The following TRIM58 variants were observed in gnomAD, a reference collection of about 807,000 sequenced individuals.
The protein encoded by TRIM58 is E3 ubiquitin-protein ligase TRIM58.
In TRIM58, 38 loss-of-function variants were observed where a neutral mutation model predicts 34.1. The ratio of observed to expected loss-of-function variants is 1.12; its 90% CI spans 0.86 to 1.46. The LOEUF (loss-of-function observed/expected upper bound fraction) is 1.46, where lower values mean the gene tolerates loss of function less well. Ranked by LOEUF, TRIM58 falls within the 40% of genes most tolerant of loss-of-function variation. The probability of loss-of-function intolerance (pLI) is 0.00; values close to 1 mark genes in which losing one functional copy is unlikely to be tolerated. For missense variants in TRIM58, 677 were observed against 642.0 expected (o/e 1.05, Z -0.59); for synonymous variants, 273 against 275.7 (o/e 0.99, Z 0.10).
chr1:247,876,437 CATCCAGGGATCATTTAG>C lies in TRIM58; in HGVS notation c.1414_1430del (p.Arg472CysfsTer3). 1 of 1,614,160 alleles carries C rather than the reference CATCCAGGGATCATTTAG, an allele frequency of 6.2e-7. No individual in the cohort carries two copies. Among genetic ancestry groups the C allele is most frequent in the East Asian group, 2.2e-5 (1 of 44,878 alleles). On this transcript the variant is annotated frameshift_variant, in exon 6 of 6. Transcript: ENST00000366481. LOFTEE classifies it low-confidence loss of function (END_TRUNC). ...ACAATAGCAGGGTCAGGAAATTGGG[CATCCAGGGATCATTTAG>C]ATCCTGCTTCTGATGTAAGAGATGA...
chr1:247,863,238 C>T (rs1663837667), intron 2 of TRIM58, among the ~76,000 whole-genome samples: 1 of 152,216 alleles, frequency 6.6e-6, no homozygotes, highest in East Asian at 1.9e-4. Context: ...GAAGTTATCA[C>T]GTTTAAAAAC....
Position 247,875,995 on chromosome 1 carries a change from C to T in TRIM58, c.967C>T (p.Pro323Ser). 1 of 1,614,212 alleles carries T rather than the reference C, an allele frequency of 6.2e-7. No individual in the cohort carries two copies. Among genetic ancestry groups the T allele is most frequent in the Non-Finnish European group, 8.5e-7 (1 of 1,180,036 alleles). Residue 323 changes from proline (P) to serine (S), a missense_variant, in exon 6 of 6, where the codon CCC becomes TCC. Transcript: ENST00000366481. ...GGATGGAGAACCATGGAGGGATGTCCCCAACAACCCTGAGCGATTTGACAC... is the reference window on the plus strand; with the variant it reads ...GGATGGAGAACCATGGAGGGATGTCTCCAACAACCCTGAGCGATTTGACAC... ...VQDGEPWRDVPNNPERFDTWP... is the reference protein window; with the variant it reads ...VQDGEPWRDVSNNPERFDTWP...
intron 4 of TRIM58, 39 bp downstream of exon 4, chr1:247,867,906 G>C (rs1223699610): frequency 6.2e-7 from 1 of 1,614,078 alleles, no homozygotes. Flanking sequence ...GATTGGGAGA[G>C]GCAGAGGAGC....
chr1:247,862,252 C>T (rs1483658138), intron 2 of TRIM58, among the ~76,000 whole-genome samples: 2 of 152,104 alleles, frequency 1.3e-5, no homozygotes, highest in Admixed American at 6.5e-5. Context: ...TAGTACCTAA[C>T]GTTACTCAGA....
rs528892803 is a variant in TRIM58, at chr1:247,879,853, C to A, written c.*3364C>A. On this transcript the variant is annotated 3_prime_UTR_variant, in exon 6 of 6. Transcript: ENST00000366481. ...TGATACCACACAGCCCTACTCCCCCCAGAGCCCATCTAGAGCTCACCTTTC... is the reference window on the plus strand; with the variant it reads ...TGATACCACACAGCCCTACTCCCCCAAGAGCCCATCTAGAGCTCACCTTTC... Among the ~76,000 whole-genome samples the A allele has an allele frequency of 6.6e-6, 1 of 152,072 alleles. No individual in the cohort carries two copies. Among genetic ancestry groups the A allele is most frequent in the African/African-American group, 2.4e-5 (1 of 41,492 alleles).
In TRIM58 at chr1:247,876,101, G is replaced by A. The variant is rs1349504673; in HGVS notation, c.1073G>A (p.Trp358Ter). 5 of 1,614,208 alleles carry A rather than the reference G, an allele frequency of 3.1e-6. No individual in the cohort carries two copies. In the Admixed American group the frequency reaches 6.7e-5, roughly 22 times the overall value. Residue 358 changes from tryptophan to a stop codon, truncating the protein, a stop_gained, in exon 6 of 6, where the codon TGG (tryptophan) becomes TAG (stop). Coordinates refer to ENST00000366481, the MANE Select transcript of TRIM58 (RefSeq NM_015431.4). LOFTEE classifies it low-confidence loss of function (END_TRUNC). ...GTTCTGGTGGGAGAAGGAGCAGAGTGGGGTTTAGGGGTCTGTCAAGACACA... is the reference window on the plus strand; with the variant it reads ...GTTCTGGTGGGAGAAGGAGCAGAGTAGGGTTTAGGGGTCTGTCAAGACACA... ...WEVLVGEGAE[W>*]GLGVCQDTLP...
chr1:247,868,063 G>A lies in TRIM58; in HGVS notation c.871G>A (p.Val291Met). 6.2e-7 allele frequency: 1 copy of A among 1,601,626 alleles called. No homozygotes were observed. The highest frequency in any genetic ancestry group is 8.5e-7 in the Non-Finnish European group (1 of 1,174,546). Reference sequence around the variant, plus strand: ...GAGGGAGCTCTTAAGGAAGTTCCAAGGTAGTTGCATCTTAGAGACTGGGAA... The same window carrying A: ...GAGGGAGCTCTTAAGGAAGTTCCAAAGTAGTTGCATCTTAGAGACTGGGAA... ...GRRELLRKFQ[V>M]DVKLDPATAH... Residue 291 changes from valine to methionine, a missense_variant and splice_region_variant, in exon 5 of 6, where the codon GTG becomes ATG. Transcript: ENST00000366481.
intron 2 of TRIM58, among the ~76,000 whole-genome samples, chr1:247,863,945 T>C (rs1408934652): frequency 6.6e-6 from 1 of 152,200 alleles, no homozygotes; most frequent in African/African-American, 2.4e-5. Context: ...ACTATTACCA[T>C]ATTATGAAAC....
Position 247,860,765 on chromosome 1 carries a change from C to G in TRIM58, c.516+53C>G, listed in dbSNP as rs989944748. The G allele has an allele frequency of 7.9e-6, 11 of 1,396,674 alleles. No individual in the cohort carries two copies. The East Asian group carries it at 2.1e-4, about 26-fold the overall frequency. 86.5% of individuals were successfully genotyped at this position (1,396,674 alleles called of 1,614,324 possible). A position where few individuals can be genotyped will look rare whatever the true frequency, so the allele number is the denominator to read the frequency against. On this transcript the variant is annotated intron_variant, in intron 2 of 5. Transcript: ENST00000366481. ...CTTGCCTGTTTGAAGGATCCAGATT[C>G]GGGTCAGTAATTCTTCTACCATCTT...
intron 5 of TRIM58, among the ~76,000 whole-genome samples, chr1:247,871,930 G>A (rs1189951733): frequency 2.0e-5 from 3 of 152,200 alleles, no homozygotes; most frequent in Admixed American, 6.5e-5. Context: ...GAAAGACCCC[G>A]CCCTGCAGGG....
intron 3 of TRIM58, among the ~76,000 whole-genome samples, chr1:247,866,151 T>C (rs1663915524): frequency 1.3e-5 from 2 of 152,070 alleles, no homozygotes; most frequent in Non-Finnish European, 2.9e-5. Flanking sequence ...GAGAGCAAAA[T>C]ACAAGAACTT....
intron 3 of TRIM58, among the ~76,000 whole-genome samples, chr1:247,866,136 TAGC>T (rs1663915105): frequency 6.6e-6 from 1 of 152,230 alleles, no homozygotes; most frequent in Admixed American, 6.5e-5. Flanking sequence ...ATTTTCCAAA[TAGC>T]AGAGAGCAAA....
chr1:247,868,061 A>C lies in TRIM58; in HGVS notation c.869A>C (p.Gln290Pro). 6.2e-7 allele frequency: 1 copy of C among 1,602,464 alleles called. No homozygotes were observed. Among genetic ancestry groups the C allele is most frequent in the Non-Finnish European group, 8.5e-7 (1 of 1,175,004 alleles). The change falls in exon 5 of 6, where the codon CAA (glutamine) becomes CCA (proline). Residue 290 changes from glutamine (Q) to proline (P), a missense_variant and splice_region_variant. Physicochemically the swap from Gln to Pro is moderately conservative, Grantham distance 76 (BLOSUM62 -1). Transcript: ENST00000366481. ...PGRRELLRKFQVDVKLDPATA... is the reference protein window; with the variant it reads ...PGRRELLRKFPVDVKLDPATA... Reference sequence around the variant, plus strand: ...AGGAGGGAGCTCTTAAGGAAGTTCCAAGGTAGTTGCATCTTAGAGACTGGG... The same window carrying C: ...AGGAGGGAGCTCTTAAGGAAGTTCCCAGGTAGTTGCATCTTAGAGACTGGG...
chr1:247,872,950 C>T (rs1297974733), intron 5 of TRIM58, among the ~76,000 whole-genome samples: 1 of 152,174 alleles, frequency 6.6e-6, no homozygotes, highest in African/African-American at 2.4e-5. Context: ...GAACTCTGGG[C>T]CGGGCGCGGT....
At chr1:247,873,025 G>A (rs1659184614) in intron 5 of TRIM58, among the ~76,000 whole-genome samples, 1 of 152,142 alleles carries the variant, frequency 6.6e-6, no homozygotes. Context: ...GAGGTCAGGA[G>A]TTCGAGACCA....
chr1:247,867,955 C>G lies in TRIM58; in HGVS notation c.771-8C>G. ...TGCTGACTTCTGTGGTTTCTGTGCT[C>G]TTCCCAGAAGTAAGGCTGTCACAAG... On this transcript the variant is annotated splice_polypyrimidine_tract_variant and splice_region_variant and intron_variant, in intron 4 of 5. Coordinates refer to ENST00000366481, the MANE Select transcript of TRIM58 (RefSeq NM_015431.4). 1.2e-6 allele frequency: 2 copies of G among 1,613,126 alleles called. No individual in the cohort carries two copies. The highest frequency in any genetic ancestry group is 2.2e-5 in the South Asian group (2 of 90,914).
chr1:247,864,722 G>GA lies in TRIM58; in HGVS notation c.535dup (p.Arg179LysfsTer9). The stretch of plus-strand genomic sequence containing the variant: ...CACCTCAGGAGAAAGTGGAAATGCA[G>GA]AGGCAGCGCTTCAGATTGGAGTTTG... On this transcript the variant is annotated frameshift_variant, in exon 3 of 6. Coordinates refer to ENST00000366481, the MANE Select transcript of TRIM58 (RefSeq NM_015431.4). LOFTEE classifies it high-confidence loss of function. 3 of 1,614,178 alleles carry GA rather than the reference G, an allele frequency of 1.9e-6. No individual in the cohort carries two copies. Among genetic ancestry groups the GA allele is most frequent in the Non-Finnish European group, 2.5e-6 (3 of 1,180,040 alleles).
chr1:247,858,545 A>G (rs556077009), intron 1 of TRIM58, among the ~76,000 whole-genome samples: 13 of 151,892 alleles, frequency 8.6e-5, no homozygotes, highest in Non-Finnish European at 1.8e-4. Flanking sequence ...ACTTTCTTAA[A>G]ATTTTTATTT....
intron 5 of TRIM58, among the ~76,000 whole-genome samples, chr1:247,872,590 G>C (rs77387591): frequency 0.018 from 2,749 of 152,308 alleles, 36 homozygotes; most frequent in Non-Finnish European, 0.029. Context: ...TTCAAATGTT[G>C]CTATCAAGTG....
Sources: gnomAD v4.1 joint callset for allele counts (sites outside exome capture counted in the v4.1 genomes callset) on GRCh38, gnomAD v4.1.1 for gene constraint, MANE v1.5 for transcripts, NCBI Gene and HGNC (gene_info 2026-07-23, HGNC 2026-07-21) for gene names.